ENTREP2: variants seen among roughly 807,000 people sequenced by gnomAD.
The protein encoded by ENTREP2 is endosomal transmembrane epsin interactor 2.
At chr15:29,387,656 T>C in the ENTREP2 span, among the ~76,000 whole-genome samples, 14 of 151,654 alleles carry the variant, frequency 9.2e-5, no homozygotes, top group Admixed American at 2.0e-4. Flanking sequence ...GAGCCTGCAT[T>C]GCCAAGTCAA....
the ENTREP2 span, among the ~76,000 whole-genome samples, chr15:29,164,876 C>T: frequency 2.0e-5 from 3 of 152,136 alleles, no homozygotes; most frequent in African/African-American, 7.2e-5. Flanking sequence ...TCAGAATACA[C>T]ATTCTATTCA....
the ENTREP2 span, among the ~76,000 whole-genome samples, chr15:29,672,951 A>T: frequency 9.8e-3 from 1,485 of 152,226 alleles, 14 homozygotes; most frequent in African/African-American, 0.034. Context: ...TCGAGGGAGT[A>T]TACTTAGTTA....
At chr15:29,479,409 G>C in the ENTREP2 span, among the ~76,000 whole-genome samples, 2 of 151,850 alleles carry the variant, frequency 1.3e-5, no homozygotes. Context: ...ATTACCCAGG[G>C]TCAGGTATTT....
the ENTREP2 span, chr15:29,268,314 C>T: frequency 6.5e-6 from 1 of 153,134 alleles, no homozygotes; most frequent in Non-Finnish European, 1.5e-5. Flanking sequence ...ATGAATAATA[C>T]TTATATATGT....
chr15:29,159,458 C>A, the ENTREP2 span, among the ~76,000 whole-genome samples: 83 of 152,320 alleles, frequency 5.4e-4, no homozygotes, highest in African/African-American at 1.9e-3. Context: ...GTTGCTACTG[C>A]TAGCTTGGGC....
chr15:29,467,899 G>A, the ENTREP2 span, among the ~76,000 whole-genome samples: 1 of 152,062 alleles, frequency 6.6e-6, no homozygotes, highest in East Asian at 1.9e-4. Flanking sequence ...TCCACTGGAT[G>A]AAAGCCACCC....
At chr15:29,629,097 TG>T in the ENTREP2 span, among the ~76,000 whole-genome samples, 1 of 152,172 alleles carries the variant, frequency 6.6e-6, no homozygotes, top group African/African-American at 2.4e-5. Context: ...AATTTTCTCT[TG>T]GAAGTCTACT....
At chr15:29,574,127 G>A in the ENTREP2 span, among the ~76,000 whole-genome samples, 1 of 152,142 alleles carries the variant, frequency 6.6e-6, no homozygotes, top group Admixed American at 6.5e-5. Context: ...ACAACTCATT[G>A]ACTCTCTTTG....
the ENTREP2 span, among the ~76,000 whole-genome samples, chr15:29,470,112 G>A: frequency 6.6e-6 from 1 of 152,222 alleles, no homozygotes; most frequent in East Asian, 1.9e-4. Flanking sequence ...CAAGATCAAA[G>A]AATGGATCCC....
chr15:29,413,014 T>C, the ENTREP2 span, among the ~76,000 whole-genome samples: 1 of 152,140 alleles, frequency 6.6e-6, no homozygotes, highest in Non-Finnish European at 1.5e-5. Context: ...TGCATTACAA[T>C]TTCTTCTTTG....
the ENTREP2 span, among the ~76,000 whole-genome samples, chr15:29,334,128 C>T: frequency 6.6e-6 from 1 of 152,146 alleles, no homozygotes; most frequent in East Asian, 1.9e-4. Context: ...CCTTGTCTAT[C>T]GTACTTTGTT....
At chr15:29,366,747 A>C in the ENTREP2 span, among the ~76,000 whole-genome samples, 1 of 152,354 alleles carries the variant, frequency 6.6e-6, no homozygotes, top group East Asian at 1.9e-4. Context: ...AACAAGGAGA[A>C]TCTTTTTAAC....
chr15:29,217,502 G>C, the ENTREP2 span, among the ~76,000 whole-genome samples: 1 of 152,118 alleles, frequency 6.6e-6, no homozygotes, highest in African/African-American at 2.4e-5. Flanking sequence ...TGAAGACCTT[G>C]TCTTCAAGCT....
At chr15:29,219,534 C>T in the ENTREP2 span, among the ~76,000 whole-genome samples, 1 of 148,430 alleles carries the variant, frequency 6.7e-6, no homozygotes, top group Non-Finnish European at 1.5e-5. Context: ...TTTATAGCAG[C>T]ACAGTTCGCA....
chr15:29,371,749 G>A, the ENTREP2 span, among the ~76,000 whole-genome samples: 1 of 152,072 alleles, frequency 6.6e-6, no homozygotes, highest in African/African-American at 2.4e-5. Context: ...GGATACAGCT[G>A]AAATCCAAAG....
the ENTREP2 span, among the ~76,000 whole-genome samples, chr15:29,252,848 AGG>A: frequency 6.6e-6 from 1 of 152,202 alleles, no homozygotes; most frequent in Non-Finnish European, 1.5e-5. Context: ...GAAGGCCTTT[AGG>A]TTTAATTTTT....
the ENTREP2 span, among the ~76,000 whole-genome samples, chr15:29,502,652 C>A: frequency 6.6e-6 from 1 of 151,876 alleles, no homozygotes; most frequent in African/African-American, 2.4e-5. Flanking sequence ...AATGAAAAGA[C>A]AACCCATAGA....
At chr15:29,550,663 A>C in the ENTREP2 span, among the ~76,000 whole-genome samples, 1 of 152,256 alleles carries the variant, frequency 6.6e-6, no homozygotes, top group Non-Finnish European at 1.5e-5. Context: ...AAGAATTTCC[A>C]GGACCTTAAA....
chr15:29,255,766 T>C, the ENTREP2 span, among the ~76,000 whole-genome samples: 3 of 150,772 alleles, frequency 2.0e-5, no homozygotes, highest in Non-Finnish European at 4.4e-5. Flanking sequence ...CTTTGGGGGG[T>C]CGAGGCGGGC....
Sources: allele counts gnomAD v4.1 joint callset (sites outside exome capture counted in the v4.1 genomes callset), GRCh38; gene constraint gnomAD v4.1.1; transcripts MANE v1.5; gene names NCBI Gene and HGNC (gene_info 2026-07-23, HGNC 2026-07-21).